The following TBX20 variants were observed in gnomAD, a reference collection of about 807,000 sequenced individuals.
TBX20 encodes the protein T-box transcription factor 20, also known as T-box transcription factor TBX20.
In TBX20, 8 loss-of-function variants were observed where a neutral mutation model predicts 42.9. The ratio of observed to expected loss-of-function variants is 0.19; its 90% CI spans 0.11 to 0.34. The LOEUF is 0.34. Among genes scored for constraint, TBX20 ranks in the 10% least tolerant of loss-of-function variants. TBX20 has a pLI of 1.00. For missense variants in TBX20, 411 were observed against 566.0 expected, an observed-to-expected ratio of 0.73 and a Z score of 2.78; for synonymous variants, 198 against 222.8, an observed-to-expected ratio of 0.89 and a Z score of 0.99.
At chr7:35,241,704 T>C (rs1790085525) in intron 4 of TBX20, among the ~76,000 whole-genome samples, 1 of 152,234 alleles carries the variant, frequency 6.6e-6, no homozygotes, top group Non-Finnish European at 1.5e-5. Context: ...TTCTAACTTC[T>C]AGTTATTAAA....
intron 5 of TBX20, among the ~76,000 whole-genome samples, chr7:35,240,066 T>G (rs1790045936): frequency 6.6e-6 from 1 of 152,214 alleles, no homozygotes; most frequent in Non-Finnish European, 1.5e-5. Flanking sequence ...GCATTAATTT[T>G]AAATGTGATG....
At chr7:35,219,999 A>C (rs1789653767) in intron 6 of TBX20, among the ~76,000 whole-genome samples, 1 of 152,188 alleles carries the variant, frequency 6.6e-6, no homozygotes, top group Non-Finnish European at 1.5e-5. Context: ...AGGGTGATAT[A>C]AGCCTTTATA....
At chr7:35,236,782 G>A (rs1789975246) in intron 5 of TBX20, among the ~76,000 whole-genome samples, 1 of 152,162 alleles carries the variant, frequency 6.6e-6, no homozygotes, top group African/African-American at 2.4e-5. Context: ...TAGAATCTAT[G>A]AGAAAATTAA....
chr7:35,232,439 T>C (rs1053729311), intron 5 of TBX20, among the ~76,000 whole-genome samples: 2 of 152,192 alleles, frequency 1.3e-5, no homozygotes, highest in African/African-American at 4.8e-5. Context: ...TGGAAAATAC[T>C]GGAATTGTTA....
chr7:35,233,494 A>C (rs1420788637), intron 5 of TBX20, among the ~76,000 whole-genome samples: 1 of 152,238 alleles, frequency 6.6e-6, no homozygotes, highest in Non-Finnish European at 1.5e-5. Flanking sequence ...ATATATGAAG[A>C]GAGATACAGG....
At position 35,239,666 on chromosome 7, in the gene TBX20, G is replaced by A. The variant is rs1392470935; in HGVS notation, c.813+1213C>T. Among the ~76,000 whole-genome samples, 3 of 152,210 alleles carry A rather than the reference G, an allele frequency of 2.0e-5. No individual in the cohort carries two copies. The East Asian group carries it at 5.8e-4, about 29-fold the overall frequency. On this transcript the variant is annotated intron_variant, in intron 5 of 7. Coordinates refer to ENST00000408931, the MANE Select transcript of TBX20 (RefSeq NM_001077653.2). ...GTATGGGAAGTGTCTATCAGTACAT[G>A]GCCCTTAGTATGGCCTTGATAAATA... is the stretch of plus-strand genomic sequence containing the variant.
In TBX20 at chr7:35,244,930, T is replaced by C. The variant is rs1790150908; in HGVS notation, c.654+19A>G. 6.3e-7 allele frequency: 1 copy of C among 1,587,136 alleles called. No homozygotes were observed. The highest frequency in any genetic ancestry group is 2.2e-5 in the East Asian group (1 of 44,726). ...ATTCTACCTCAGGGAACCTGCACAG[T>C]CCAAGGCATGGTACTTACATGGCCA... On this transcript the variant is annotated intron_variant, in intron 4 of 7. Transcript: ENST00000408931.
rs1370788275 is a variant in TBX20, at chr7:35,253,665, T to C, written c.-45A>G. ...TGGCCAGGGACGGGGTCGTCCGAAC[T>C]GCCGTCCAGATTCCCCAAGGGAGAC... On this transcript the variant is annotated 5_prime_UTR_variant, in exon 1 of 8. Coordinates refer to ENST00000408931, the MANE Select transcript of TBX20 (RefSeq NM_001077653.2). The C allele has an allele frequency of 6.3e-7, 1 of 1,598,134 alleles. No homozygotes were observed. The highest frequency in any genetic ancestry group is 1.3e-5 in the African/African-American group (1 of 74,274).
chr7:35,238,082 G>C (rs1328775883), intron 5 of TBX20, among the ~76,000 whole-genome samples: 4 of 152,102 alleles, frequency 2.6e-5, no homozygotes, highest in African/African-American at 7.2e-5. Flanking sequence ...TATTTAACTA[G>C]TGCCTCAATT....
intron 5 of TBX20, among the ~76,000 whole-genome samples, chr7:35,239,589 T>G (rs989944735): frequency 6.6e-6 from 1 of 152,164 alleles, no homozygotes; most frequent in African/African-American, 2.4e-5. Context: ...ACCTGTGGAG[T>G]GTAGTACTGC....
At chr7:35,227,969 T>C (rs1406305527) in intron 6 of TBX20, among the ~76,000 whole-genome samples, 1 of 152,152 alleles carries the variant, frequency 6.6e-6, no homozygotes, top group Non-Finnish European at 1.5e-5. Context: ...TTTTATGTTA[T>C]GTATATTTTA....
At chr7:35,228,769 A>G (rs2128713125) in intron 6 of TBX20, among the ~76,000 whole-genome samples, 1 of 152,228 alleles carries the variant, frequency 6.6e-6, no homozygotes, top group South Asian at 2.1e-4. Flanking sequence ...TAGACATTAG[A>G]TTATACAAAG....
chr7:35,209,584 A>C (rs1425547295), intron 6 of TBX20, among the ~76,000 whole-genome samples: 1 of 152,054 alleles, frequency 6.6e-6, no homozygotes, highest in Admixed American at 6.6e-5. Context: ...TGGCCACCAA[A>C]TGGTCAATTT....
chr7:35,229,886 AT>A (rs1460105571), intron 6 of TBX20, among the ~76,000 whole-genome samples: 2 of 152,018 alleles, frequency 1.3e-5, no homozygotes, highest in South Asian at 4.2e-4. Flanking sequence ...GAGCAGGGTT[AT>A]TTTTTCCATT....
intron 6 of TBX20, among the ~76,000 whole-genome samples, chr7:35,229,906 G>A (rs1789838818): frequency 6.6e-6 from 1 of 152,130 alleles, no homozygotes. Context: ...TTTTCTAGAT[G>A]AGCGTACAGA....
intron 5 of TBX20, among the ~76,000 whole-genome samples, chr7:35,234,252 T>A (rs987329910): frequency 1.3e-5 from 2 of 152,232 alleles, no homozygotes; most frequent in Admixed American, 1.3e-4. Context: ...TGATTAAAGA[T>A]GGACTTTTGA....
chr7:35,212,011 A>AT (rs1357974877), intron 6 of TBX20, among the ~76,000 whole-genome samples: 2 of 152,050 alleles, frequency 1.3e-5, no homozygotes. Context: ...CTTTGGGTAT[A>AT]TTTTTTGTCC....
rs377570351 is a variant in TBX20 at position 35,202,516 on chromosome 7, G to T, written c.1258C>A (p.Arg420=). The stretch of plus-strand genomic sequence containing the variant: ...CCCTGCTGAAAATAGTGATGGTATC[G>T]CGGCATGTGGAATGAAGGGAATGTG... The part of the protein sequence containing the change: ...GPTFPSFHMP[R]YHHYFQQGPY... The change falls in exon 8 of 8, where the codon CGA becomes AGA. Residue 420 remains arginine, a synonymous_variant. Transcript: ENST00000408931. 6.2e-6 allele frequency: 10 copies of T among 1,611,514 alleles called. No individual in the cohort carries two copies. Among genetic ancestry groups the T allele is most frequent in the Non-Finnish European group, 8.5e-6 (10 of 1,178,882 alleles).
chr7:35,237,152 G>A (rs1205210850), intron 5 of TBX20, among the ~76,000 whole-genome samples: 1 of 152,148 alleles, frequency 6.6e-6, no homozygotes, highest in Non-Finnish European at 1.5e-5. Flanking sequence ...GTGACCTTGG[G>A]TGAATGTCTT....
Sources: gnomAD v4.1 joint callset for allele counts (sites outside exome capture counted in the v4.1 genomes callset) on GRCh38, gnomAD v4.1.1 for gene constraint, MANE v1.5 for transcripts, NCBI Gene and HGNC (gene_info 2026-07-23, HGNC 2026-07-21) for gene names.